The following TTLL8 variants were observed in gnomAD, a reference collection of about 807,000 sequenced individuals.
TTLL8 encodes protein monoglycylase TTLL8.
In TTLL8, 65 loss-of-function variants were observed where a neutral mutation model predicts 77.8. The ratio of observed to expected loss-of-function variants is 0.84; its 90% CI spans 0.68 to 1.03. The LOEUF is 1.03. Ranked by LOEUF, TTLL8 falls within the 50% of genes least tolerant of loss-of-function variation. The pLI is 0.00. For synonymous variants in TTLL8, 402 were observed against 422.8 expected, an observed-to-expected ratio of 0.95 and a Z score of 0.60; for missense variants, 910 against 1,004.5, an observed-to-expected ratio of 0.91 and a Z score of 1.27.
At chr22:50,029,918 T>TGGCA (rs781045796) in intron 12 of TTLL8, among the ~76,000 whole-genome samples, 16 of 151,578 alleles carry the variant, frequency 1.1e-4, no homozygotes, top group Non-Finnish European at 1.6e-4. Flanking sequence ...GAGCAGCCTG[T>TGGCA]GGCAGCCCCT....
In TTLL8 at chr22:50,044,294, G is replaced by GCT. The variant is rs1173036266; in HGVS notation, c.643+960_643+961insAG. 6.6e-6 allele frequency among the ~76,000 whole-genome samples: 1 copy of GCT among 151,906 alleles called. No homozygotes were observed. Among genetic ancestry groups the GCT allele is most frequent in the Non-Finnish European group, 1.5e-5 (1 of 67,984 alleles). ...GATCATGCCATTGTACTTCAACCTG[G>GCT]GTGACAGAGCAAGACTCCATCTCAA... On this transcript the variant is annotated intron_variant, in intron 6 of 13. Coordinates refer to ENST00000266182, the Ensembl canonical transcript of TTLL8. The surrounding 1 kb of genome is among the most constrained non-coding windows in gnomAD (Gnocchi z 4.2).
chr22:50,033,274 A>G (rs2061311203), exon 10 of TTLL8: 2 of 1,362,018 alleles, frequency 1.5e-6, no homozygotes, highest in East Asian at 4.6e-5. Flanking sequence ...CCAGATGGTC[A>G]GGGGGTTCCA....
chr22:50,057,424 TG>T (rs141128950), upstream of TTLL8, among the ~76,000 whole-genome samples: 288 of 37,626 alleles, frequency 7.7e-3, 1 homozygote, highest in Non-Finnish European at 8.5e-3. Context: ...AGGTCTGGGT[TG>T]GGGGTCAGGT....
In TTLL8 at chr22:50,045,253, A is replaced by T; in HGVS notation, c.643+2T>A. The stretch of plus-strand genomic sequence containing the variant: ...GCACTGCCCTGCCCCGGCCCAGCGC[A>T]CCTTGCCTGCTGCTCAGGTCGCTGC... On this transcript the variant is annotated splice_donor_variant, in intron 6 of 13. Transcript: ENST00000266182. LOFTEE classifies it high-confidence loss of function. 7.4e-7 allele frequency: 1 copy of T among 1,353,480 alleles called. No individual in the cohort carries two copies. The highest frequency in any genetic ancestry group is 1.1e-5 in the South Asian group (1 of 87,630). 83.8% of individuals were successfully genotyped at this position (1,353,480 alleles called of 1,614,324 possible). A position where few individuals can be genotyped will look rare whatever the true frequency, so the allele number is the denominator to read the frequency against.
At chr22:50,049,204 C>A in intron 3 of TTLL8, 45 bp downstream of exon 5, 1 of 1,366,878 alleles carries the variant, frequency 7.3e-7, no homozygotes, top group Non-Finnish European at 9.8e-7. Context: ...GTGTGAGAAG[C>A]TTTGGAGAGG....
chr22:50,035,127 C>T (rs947150503), intron 8 of TTLL8, among the ~76,000 whole-genome samples: 4 of 152,144 alleles, frequency 2.6e-5, no homozygotes, highest in African/African-American at 9.7e-5. Flanking sequence ...TGGGGGGAAG[C>T]CATGCCAGTA....
intron 6 of TTLL8, 112 bp downstream of exon 8, chr22:50,045,143 C>T: frequency 8.6e-7 from 1 of 1,164,878 alleles, no homozygotes; most frequent in South Asian, 1.5e-5. Context: ...TCGCTGTATC[C>T]AGCCCCGGCT....
chr22:50,030,674 G>T, exon 12 of TTLL8: 4 of 1,284,846 alleles, frequency 3.1e-6, no homozygotes, highest in East Asian at 4.9e-5. Context: ...CCCCCCTTAA[G>T]GGTGCCAGCA....
At chr22:50,029,670 G>A (rs375043756) in intron 12 of TTLL8, among the ~76,000 whole-genome samples, 2 of 152,164 alleles carry the variant, frequency 1.3e-5, no homozygotes, top group South Asian at 4.1e-4. Context: ...GGCGGAGGCT[G>A]CAGTGAGCCG....
intron 1 of TTLL8, among the ~76,000 whole-genome samples, chr22:50,053,322 G>A (rs1197981928): frequency 6.6e-6 from 1 of 151,842 alleles, no homozygotes; most frequent in Non-Finnish European, 1.5e-5. Flanking sequence ...GAATAACATT[G>A]CACATAGCAC....
At chr22:50,042,035 C>A (rs774502880) in intron 6 of TTLL8, among the ~76,000 whole-genome samples, 3 of 152,216 alleles carry the variant, frequency 2.0e-5, no homozygotes, top group Non-Finnish European at 2.9e-5. Context: ...GACTTCCTCC[C>A]TCCTGAACGG....
chr22:50,021,910 AT>A lies in TTLL8; in HGVS notation c.2204-5349del, dbSNP rs2061203821. 7.9e-5 allele frequency among the ~76,000 whole-genome samples: 8 copies of A among 101,846 alleles called. 1 individual carries two copies. In the South Asian group the frequency reaches 3.9e-3, roughly 49 times the overall value. The allele number at this position is 101,846 out of a possible 152,430, so 66.8% of individuals were successfully genotyped here. ...CATCTGACGTGCACTCCTCCATCTGATGATGTGTACTCCTCCACCTGACATG... is the reference window on the plus strand; with the variant it reads ...CATCTGACGTGCACTCCTCCATCTGAGATGTGTACTCCTCCACCTGACATG... On this transcript the variant is annotated intron_variant, in intron 12 of 13. Coordinates refer to ENST00000266182, the Ensembl canonical transcript of TTLL8.
intron 12 of TTLL8, among the ~76,000 whole-genome samples, chr22:50,023,263 C>A (rs544797290): frequency 2.6e-5 from 4 of 152,016 alleles, no homozygotes; most frequent in South Asian, 2.1e-4. Flanking sequence ...CTGAAAAAAA[C>A]CTAAATAAAC....
chr22:50,055,611 C>T (rs1001849057), upstream of TTLL8, among the ~76,000 whole-genome samples: 7 of 150,322 alleles, frequency 4.7e-5, no homozygotes, highest in African/African-American at 1.2e-4. Flanking sequence ...GCCGAGATCG[C>T]GCCATTGCAC....
intron 8 of TTLL8, among the ~76,000 whole-genome samples, chr22:50,035,341 G>A (rs2061328709): frequency 6.6e-6 from 1 of 152,210 alleles, no homozygotes; most frequent in African/African-American, 2.4e-5. Context: ...AGGACATCGG[G>A]GTTCCATTCA....
intron 10 of TTLL8, among the ~76,000 whole-genome samples, chr22:50,032,726 G>A (rs1181088558): frequency 6.6e-6 from 1 of 152,230 alleles, no homozygotes; most frequent in African/African-American, 2.4e-5. Flanking sequence ...GACAGAGGGT[G>A]GCAGGCGTCG....
intron 8 of TTLL8, among the ~76,000 whole-genome samples, chr22:50,036,333 G>A (rs1351803694): frequency 1.3e-5 from 2 of 152,208 alleles, no homozygotes; most frequent in African/African-American, 2.4e-5. Context: ...GGTCACCCCT[G>A]GGTCTTCCTT....
At chr22:50,051,547 T>C (rs1241502825) in intron 1 of TTLL8, among the ~76,000 whole-genome samples, 1 of 152,260 alleles carries the variant, frequency 6.6e-6, no homozygotes, top group Non-Finnish European at 1.5e-5. Context: ...TCTGGGTAGA[T>C]GCCCAGGAGT....
chr22:50,047,024 C>T (rs1225248707), intron 4 of TTLL8, 144 bp downstream of exon 6: 3 of 1,161,496 alleles, frequency 2.6e-6, no homozygotes, highest in Admixed American at 3.2e-5. Flanking sequence ...TGATTCTGGC[C>T]ACGGCCTTAG....
Sources: allele counts gnomAD v4.1 joint callset (sites outside exome capture counted in the v4.1 genomes callset), GRCh38; gene constraint gnomAD v4.1.1; non-coding constraint Gnocchi (gnomAD v3.1); transcripts MANE v1.5; gene names NCBI Gene and HGNC (gene_info 2026-07-23, HGNC 2026-07-21).